The following BTBD7 variants were observed in gnomAD, a reference collection of about 807,000 sequenced individuals.
BTBD7 encodes the protein BTB domain containing 7.
Under a neutral mutation model 99.9 loss-of-function variants are expected in BTBD7, and 38 were observed. That is an observed-to-expected ratio of 0.38 (90% confidence interval 0.29 to 0.50). The LOEUF (loss-of-function observed/expected upper bound fraction) is 0.50. Among genes scored for constraint, BTBD7 ranks in the 20% least tolerant of loss-of-function variants. The pLI is 0.93. For missense variants in BTBD7, 1,170 were observed against 1,394.6 expected (o/e 0.84, Z 2.57); for synonymous variants, 520 against 511.4 (o/e 1.02, Z -0.23).
In BTBD7 at chr14:93,294,743, A is replaced by G. The variant is rs762846124; in HGVS notation, c.277T>C (p.Trp93Arg). Residue 93 changes from tryptophan (W) to arginine (R), a missense_variant, in exon 3 of 11, where the codon TGG becomes CGG. Physicochemically the swap from Trp to Arg is moderately radical, Grantham distance 101 (BLOSUM62 -3). Coordinates refer to ENST00000334746, the MANE Select transcript of BTBD7 (RefSeq NM_001002860.4). ...AKQMRELLSG[W>R]DVRDVNALVE... Reference sequence around the variant, plus strand: ...AATGCATTGACATCTCTAACATCCCACCCAGAGAGGAGTTCTCGCATCTGC... The same window carrying G: ...AATGCATTGACATCTCTAACATCCCGCCCAGAGAGGAGTTCTCGCATCTGC... 4 of 1,613,776 alleles carry G rather than the reference A, an allele frequency of 2.5e-6. No homozygotes were observed. In the African/African-American group the frequency reaches 4.0e-5, roughly 16 times the overall value.
intron 3 of BTBD7, among the ~76,000 whole-genome samples, chr14:93,272,949 TACTG>T (rs894677092): frequency 4.1e-4 from 63 of 152,152 alleles, no homozygotes; most frequent in African/African-American, 1.4e-3. Flanking sequence ...ATGGGATACT[TACTG>T]ACTAAATGAC....
Position 93,264,807 on chromosome 14 carries a change from A to C in BTBD7, c.1163-814T>G, listed in dbSNP as rs1031787673. On this transcript the variant is annotated intron_variant, in intron 3 of 10. Coordinates refer to ENST00000334746, the MANE Select transcript of BTBD7 (RefSeq NM_001002860.4). ...AACAAACAAACAAACAGGTGTTTAA[A>C]CACCACCACCAGGCCGGACACAGTG... Among the ~76,000 whole-genome samples, 11 of 152,240 alleles carry C rather than the reference A, an allele frequency of 7.2e-5. 1 individual carries two copies. Among genetic ancestry groups the C allele is most frequent in the Admixed American group, 3.9e-4 (6 of 15,284 alleles).
At chr14:93,328,973 T>C (rs1408606400) in intron 1 of BTBD7, among the ~76,000 whole-genome samples, 1 of 152,146 alleles carries the variant, frequency 6.6e-6, no homozygotes. Flanking sequence ...GATTTAATAA[T>C]GATTTCTTGG....
chr14:93,251,334 GGA>G, intron 8 of BTBD7, 127 bp downstream of exon 8: 5 of 1,017,524 alleles, frequency 4.9e-6, no homozygotes, highest in Non-Finnish European at 5.4e-6. Context: ...TATTCTTTAA[GGA>G]GAACAAGGCA....
chr14:93,248,169 C>T (rs900077308), intron 9 of BTBD7, among the ~76,000 whole-genome samples: 2 of 152,142 alleles, frequency 1.3e-5, no homozygotes, highest in Non-Finnish European at 2.9e-5. Flanking sequence ...ATCTTCATAA[C>T]AATTTATATT....
chr14:93,263,410 A>C (rs1246383837), intron 4 of BTBD7, among the ~76,000 whole-genome samples: 1 of 152,248 alleles, frequency 6.6e-6, no homozygotes, highest in African/African-American at 2.4e-5. Context: ...GTGCTGCTGA[A>C]GCTACTGTCT....
intron 1 of BTBD7, among the ~76,000 whole-genome samples, chr14:93,326,388 GCC>G (rs1041537111): frequency 3.3e-5 from 5 of 152,178 alleles, no homozygotes; most frequent in African/African-American, 1.2e-4. Flanking sequence ...GACTGCTTGA[GCC>G]CAGGTAGTTG....
chr14:93,325,983 G>A (rs1349138588), intron 1 of BTBD7, among the ~76,000 whole-genome samples: 1 of 151,746 alleles, frequency 6.6e-6, no homozygotes, highest in Admixed American at 6.6e-5. Flanking sequence ...AAATAGTAAG[G>A]GTATCTGAAA....
At chr14:93,289,067 C>T (rs11847392) in intron 3 of BTBD7, among the ~76,000 whole-genome samples, 6,298 of 151,164 alleles carry the variant, frequency 0.042, 442 homozygotes, top group African/African-American at 0.15. Flanking sequence ...AGCAGAGAGG[C>T]GAATTGAGGG....
intron 1 of BTBD7, among the ~76,000 whole-genome samples, chr14:93,327,172 A>G (rs1035700500): frequency 1.1e-4 from 16 of 152,328 alleles, no homozygotes; most frequent in African/African-American, 3.8e-4. Context: ...AAAATTAAAA[A>G]CTGGTAAAAT....
chr14:93,241,348 T>C lies in BTBD7; in HGVS notation c.*925A>G, dbSNP rs2052226514. 1 of 152,538 alleles carries C rather than the reference T, an allele frequency of 6.6e-6. No homozygotes were observed. The highest frequency in any genetic ancestry group is 2.4e-5 in the African/African-American group (1 of 41,386). 9.4% of individuals were successfully genotyped at this position (152,538 alleles called of 1,614,324 possible). A position where few individuals can be genotyped will look rare whatever the true frequency, so the allele number is the denominator to read the frequency against. ...TTGTATTTTTTATAGAAATGGAGTTTCGCCATGTTGCCCAGGCTGGTCTTG... is the reference window on the plus strand; with the variant it reads ...TTGTATTTTTTATAGAAATGGAGTTCCGCCATGTTGCCCAGGCTGGTCTTG... On this transcript the variant is annotated 3_prime_UTR_variant, in exon 11 of 11. Transcript: ENST00000334746.
intron 1 of BTBD7, among the ~76,000 whole-genome samples, chr14:93,322,172 G>C (rs2053277800): frequency 6.6e-6 from 1 of 152,158 alleles, no homozygotes; most frequent in African/African-American, 2.4e-5. Flanking sequence ...GAGTGCAGTG[G>C]GGTGATCGCT....
intron 1 of BTBD7, among the ~76,000 whole-genome samples, chr14:93,310,114 A>C (rs547930392): frequency 6.6e-6 from 1 of 152,298 alleles, no homozygotes; most frequent in East Asian, 1.9e-4. Context: ...TACAGGTTTA[A>C]GTATCAACTA....
At chr14:93,253,275 T>G (rs1555388282) in intron 7 of BTBD7, among the ~76,000 whole-genome samples, 1 of 152,176 alleles carries the variant, frequency 6.6e-6, no homozygotes, top group Non-Finnish European at 1.5e-5. Flanking sequence ...ATTCCTTTAA[T>G]TTAGGAAGGA....
chr14:93,246,300 A>AAT lies in BTBD7; in HGVS notation c.2122-15_2122-14insAT. ...TTTGTGAGGATTCTAAAAAAGATTAAAAAAAAAAAAAAAGGACATTTATTA... is the reference window on the plus strand; with the variant it reads ...TTTGTGAGGATTCTAAAAAAGATTAAATAAAAAAAAAAAAAGGACATTTATTA... On this transcript the variant is annotated splice_polypyrimidine_tract_variant and intron_variant, in intron 9 of 10. Transcript: ENST00000334746. The AAT allele has an allele frequency of 2.1e-5, 7 of 332,924 alleles. No individual in the cohort carries two copies. The highest frequency in any genetic ancestry group is 1.1e-5 in the Non-Finnish European group (3 of 262,182). 20.6% of individuals were successfully genotyped at this position (332,924 alleles called of 1,614,324 possible).
Position 93,241,863 on chromosome 14 carries a change from A to C in BTBD7, c.*410T>G. The C allele has an allele frequency of 5.3e-6, 1 of 188,320 alleles. No homozygotes were observed. The highest frequency in any genetic ancestry group is 1.1e-5 in the Non-Finnish European group (1 of 90,430). The allele number at this position is 188,320 out of a possible 1,614,324, so 11.7% of individuals were successfully genotyped here. ...TTAGTGTGCAATCCAATGCACATGG[A>C]TTGGTAGATGAAAGGTAAAATGCAA... On this transcript the variant is annotated 3_prime_UTR_variant, in exon 11 of 11. Transcript: ENST00000334746.
intron 3 of BTBD7, among the ~76,000 whole-genome samples, chr14:93,287,126 G>A (rs2052788104): frequency 6.6e-6 from 1 of 151,862 alleles, no homozygotes; most frequent in Admixed American, 6.6e-5. Context: ...CTACTTGTGA[G>A]GCTGAGGCAG....
Position 93,260,733 on chromosome 14 carries a change from A to G in BTBD7, c.1447+869T>C, listed in dbSNP as rs192800937. Among the ~76,000 whole-genome samples, 113 of 151,768 alleles carry G rather than the reference A, an allele frequency of 7.4e-4. 1 individual carries two copies. Among genetic ancestry groups the G allele is most frequent in the Admixed American group, 1.4e-3 (22 of 15,252 alleles). On this transcript the variant is annotated intron_variant, in intron 5 of 10. Transcript: ENST00000334746. ...CATGCCCAGCTTATTTTTTATTTTTAGTAGAGACAGGGTTTCTCCATGTTG... is the reference window on the plus strand; with the variant it reads ...CATGCCCAGCTTATTTTTTATTTTTGGTAGAGACAGGGTTTCTCCATGTTG...
At chr14:93,317,628 CAA>C (rs1023042201) in intron 1 of BTBD7, among the ~76,000 whole-genome samples, 29 of 152,116 alleles carry the variant, frequency 1.9e-4, no homozygotes, top group Admixed American at 1.6e-3. Context: ...GGTACTATGC[CAA>C]AAAGACAACA....
Sources: gnomAD v4.1 joint callset for allele counts (sites outside exome capture counted in the v4.1 genomes callset) on GRCh38, gnomAD v4.1.1 for gene constraint, MANE v1.5 for transcripts, NCBI Gene and HGNC (gene_info 2026-07-23, HGNC 2026-07-21) for gene names.